Variants in TUSC3 observed in about 807,000 individuals in gnomAD.
The protein encoded by TUSC3 is dolichyl-diphosphooligosaccharide--protein glycosyltransferase subunit TUSC3.
TUSC3 carries 45 observed loss-of-function variants against 44.8 expected under a neutral mutation model. That is an observed-to-expected ratio of 1.00 (90% CI 0.79 to 1.29). TUSC3 has a LOEUF of 1.29. Among genes scored for constraint, TUSC3 ranks in the 50% most tolerant of loss-of-function variants. The pLI, the probability that TUSC3 is intolerant of heterozygous loss-of-function variation, is 0.00. For synonymous variants in TUSC3, 212 were observed against 152.9 expected (o/e 1.39, Z -2.85); for missense variants, 519 against 437.9 (o/e 1.19, Z -1.65).
intron 6 of TUSC3, among the ~76,000 whole-genome samples, chr8:15,719,478 T>C (rs377453637): frequency 6.7e-6 from 1 of 149,602 alleles, no homozygotes; most frequent in Non-Finnish European, 1.5e-5. Flanking sequence ...CACTTTGCAC[T>C]TATAGTATAC....
the TUSC3 span, among the ~76,000 whole-genome samples, chr8:15,844,535 G>A: frequency 6.6e-6 from 1 of 152,112 alleles, no homozygotes; most frequent in Non-Finnish European, 1.5e-5. Context: ...ATTAGAAAAA[G>A]ATCACATGTC....
chr8:15,797,798 A>C, the TUSC3 span, among the ~76,000 whole-genome samples: 1 of 152,188 alleles, frequency 6.6e-6, no homozygotes, highest in African/African-American at 2.4e-5. Flanking sequence ...AAGTGCTATC[A>C]ATCTGTGTAA....
intron 1 of TUSC3, among the ~76,000 whole-genome samples, chr8:15,452,033 T>C (rs1352871697): frequency 6.6e-6 from 1 of 152,134 alleles, no homozygotes; most frequent in East Asian, 1.9e-4. Flanking sequence ...AAGTAAAACA[T>C]GAAACCACTC....
chr8:15,779,183 C>T, the TUSC3 span, among the ~76,000 whole-genome samples: 10 of 148,438 alleles, frequency 6.7e-5, no homozygotes, highest in East Asian at 4.0e-4. Context: ...GAAATACTGT[C>T]GCCAGTAGTA....
intron 2 of TUSC3, among the ~76,000 whole-genome samples, chr8:15,528,533 A>G (rs376396777): frequency 6.6e-6 from 1 of 152,118 alleles, no homozygotes; most frequent in East Asian, 1.9e-4. Context: ...TCTGCAGCAA[A>G]CTCATATCTG....
At chr8:15,839,202 T>C in the TUSC3 span, among the ~76,000 whole-genome samples, 13 of 152,228 alleles carry the variant, frequency 8.5e-5, no homozygotes, top group Non-Finnish European at 1.8e-4. Context: ...TTTTGCACAT[T>C]GATTTTATAT....
chr8:15,452,055 C>T (rs1025373015), intron 1 of TUSC3, among the ~76,000 whole-genome samples: 3 of 152,152 alleles, frequency 2.0e-5, no homozygotes, highest in Non-Finnish European at 2.9e-5. Context: ...GCACCATCCC[C>T]ACTGCCTGGC....
chr8:15,449,294 T>C (rs936044685), intron 1 of TUSC3, among the ~76,000 whole-genome samples: 1 of 152,218 alleles, frequency 6.6e-6, no homozygotes, highest in Non-Finnish European at 1.5e-5. Context: ...TTAAGCTTCA[T>C]GCCTTTTCTT....
At chr8:15,689,175 G>T (rs1895083) in intron 6 of TUSC3, 301,684 of 387,820 alleles carry the variant, frequency 0.78, 119,213 homozygotes, top group Admixed American at 0.85. Flanking sequence ...TTCTTGCTTC[G>T]GAGAATAAGC....
chr8:15,554,817 G>A (rs1802182518), intron 1 of TUSC3, among the ~76,000 whole-genome samples: 1 of 150,852 alleles, frequency 6.6e-6, no homozygotes, highest in Non-Finnish European at 1.5e-5. Context: ...GTGTTAGCCA[G>A]GATGGTGTCG....
At chr8:15,638,783 C>A (rs1475672880) in intron 2 of TUSC3, among the ~76,000 whole-genome samples, 1 of 152,176 alleles carries the variant, frequency 6.6e-6, no homozygotes, top group Non-Finnish European at 1.5e-5. Context: ...GCCTTGGCCT[C>A]CCAAAGTGCT....
At chr8:15,846,959 C>G in the TUSC3 span, among the ~76,000 whole-genome samples, 4 of 152,106 alleles carry the variant, frequency 2.6e-5, no homozygotes, top group African/African-American at 9.6e-5. Flanking sequence ...TTTCCACACT[C>G]CACAGGCATG....
chr8:15,835,783 C>T, the TUSC3 span, among the ~76,000 whole-genome samples: 1 of 152,008 alleles, frequency 6.6e-6, no homozygotes, highest in African/African-American at 2.4e-5. Flanking sequence ...TCAATGTGTT[C>T]CACTTTATTA....
At chr8:15,775,675 CAT>C in the TUSC3 span, among the ~76,000 whole-genome samples, 1 of 135,662 alleles carries the variant, frequency 7.4e-6, no homozygotes, top group African/African-American at 2.6e-5. Context: ...TATATACACA[CAT>C]AAATACATAT....
chr8:15,690,943 C>T (rs1234141659), intron 6 of TUSC3, among the ~76,000 whole-genome samples: 2 of 151,644 alleles, frequency 1.3e-5, no homozygotes, highest in Non-Finnish European at 2.9e-5. Context: ...CCAAATGCCT[C>T]CAGCTTTGCC....
intron 7 of TUSC3, among the ~76,000 whole-genome samples, chr8:15,737,484 C>T (rs1003615012): frequency 6.6e-6 from 1 of 151,988 alleles, no homozygotes; most frequent in African/African-American, 2.4e-5. Context: ...TTTGACTAAG[C>T]AGTAGGAAAA....
At chr8:15,594,893 G>A (rs1803998353) in intron 1 of TUSC3, among the ~76,000 whole-genome samples, 1 of 152,126 alleles carries the variant, frequency 6.6e-6, no homozygotes, top group East Asian at 1.9e-4. Context: ...ACGGCTCACG[G>A]AAACTTCATG....
In TUSC3 at chr8:15,689,955, A is replaced by G. The variant is rs116571954; in HGVS notation, c.798+16119A>G. Among the ~76,000 whole-genome samples, 1,354 of 151,874 alleles carry G rather than the reference A, an allele frequency of 8.9e-3. 21 individuals are homozygous for G. Among genetic ancestry groups the G allele is most frequent in the African/African-American group, 0.031 (1,271 of 41,402 alleles). ...TAATTCCATTTCTTTGCTCCTGTGA[A>G]TAGTGCTATGATGCACATACACGTC... On this transcript the variant is annotated intron_variant, in intron 6 of 10. Coordinates refer to ENST00000503731, the MANE Select transcript of TUSC3 (RefSeq NM_006765.4).
intron 2 of TUSC3, among the ~76,000 whole-genome samples, chr8:15,489,277 G>C (rs2129125617): frequency 6.6e-6 from 1 of 152,326 alleles, no homozygotes; most frequent in South Asian, 2.1e-4. Flanking sequence ...ATTGGCAATT[G>C]ACTGGAGGAA....
Sources: allele counts gnomAD v4.1 joint callset (sites outside exome capture counted in the v4.1 genomes callset), GRCh38; gene constraint gnomAD v4.1.1; transcripts MANE v1.5; gene names NCBI Gene and HGNC (gene_info 2026-07-23, HGNC 2026-07-21).